KIAA0825: variants seen among roughly 807,000 people sequenced by gnomAD.
KIAA0825 encodes uncharacterized protein KIAA0825.
In KIAA0825, 119 loss-of-function variants were observed where a neutral mutation model predicts 147.6. The observed-to-expected ratio is 0.81, with a 90% CI of 0.69 to 0.94. KIAA0825 has a LOEUF of 0.94. Among genes scored for constraint, KIAA0825 ranks in the 40% least tolerant of loss-of-function variants. KIAA0825 has a pLI of 0.00. For missense variants in KIAA0825, 1,381 were observed against 1,472.7 expected, an observed-to-expected ratio of 0.94 and a Z score of 1.02; for synonymous variants, 470 against 518.1, an observed-to-expected ratio of 0.91 and a Z score of 1.26.
At chr5:94,352,690 G>A (rs1029247682) in intron 20 of KIAA0825, among the ~76,000 whole-genome samples, 56 of 152,284 alleles carry the variant, frequency 3.7e-4, no homozygotes, top group African/African-American at 1.3e-3. Flanking sequence ...CAATCAATGA[G>A]TGGATAAAGA....
intron 20 of KIAA0825, among the ~76,000 whole-genome samples, chr5:94,318,922 C>T (rs1779910074): frequency 6.6e-6 from 1 of 151,674 alleles, no homozygotes; most frequent in Non-Finnish European, 1.5e-5. Context: ...CCTCCTTGTC[C>T]CCACAAAGCT....
chr5:94,361,235 A>G (rs1320799142), intron 20 of KIAA0825, among the ~76,000 whole-genome samples: 1 of 152,148 alleles, frequency 6.6e-6, no homozygotes, highest in South Asian at 2.1e-4. Flanking sequence ...AATAAAGTGT[A>G]CCTAAATGTT....
chr5:94,609,331 C>T (rs1272007133), intron 1 of KIAA0825, among the ~76,000 whole-genome samples: 1 of 152,080 alleles, frequency 6.6e-6, no homozygotes, highest in Non-Finnish European at 1.5e-5. Flanking sequence ...TACCACTCTT[C>T]CACTAAAATT....
At chr5:94,165,459 A>G (rs1217341607) in intron 20 of KIAA0825, among the ~76,000 whole-genome samples, 5 of 152,190 alleles carry the variant, frequency 3.3e-5, no homozygotes, top group Admixed American at 6.5e-5. Context: ...GGTTCCTCAA[A>G]AAACTAAAAA....
chr5:94,609,951 C>T (rs932261445), intron 1 of KIAA0825, among the ~76,000 whole-genome samples: 8 of 152,132 alleles, frequency 5.3e-5, no homozygotes, highest in African/African-American at 1.9e-4. Context: ...AAGAACTGAA[C>T]TGCCATGAGC....
chr5:94,442,118 G>GA (rs201211594), intron 13 of KIAA0825, among the ~76,000 whole-genome samples: 1,618 of 151,970 alleles, frequency 0.011, 15 homozygotes, highest in Non-Finnish European at 0.016. Flanking sequence ...CAAACTTATA[G>GA]AAAAAAAATG....
chr5:94,184,339 A>AT (rs1230286303), intron 20 of KIAA0825, among the ~76,000 whole-genome samples: 1 of 152,050 alleles, frequency 6.6e-6, no homozygotes, highest in Non-Finnish European at 1.5e-5. Context: ...TATTATCCCC[A>AT]TTTTTACATT....
chr5:94,232,436 G>T (rs1457834781), intron 20 of KIAA0825, among the ~76,000 whole-genome samples: 1 of 152,080 alleles, frequency 6.6e-6, no homozygotes, highest in Non-Finnish European at 1.5e-5. Flanking sequence ...GAGAATTCTT[G>T]TGGAACTTCA....
chr5:94,597,143 C>T (rs2152408904), intron 1 of KIAA0825, among the ~76,000 whole-genome samples: 1 of 152,206 alleles, frequency 6.6e-6, no homozygotes, highest in Admixed American at 6.6e-5. Flanking sequence ...AGATGGCATC[C>T]TTTTCTTGTG....
intron 20 of KIAA0825, among the ~76,000 whole-genome samples, chr5:94,255,257 G>A (rs796862964): frequency 4.6e-5 from 7 of 151,852 alleles, no homozygotes; most frequent in African/African-American, 9.7e-5. Context: ...GGAAGGCATC[G>A]ATTTTTCCTA....
In KIAA0825 at chr5:94,154,087, C is replaced by T. The variant is rs748174533; in HGVS notation, c.3748G>A (p.Glu1250Lys). The T allele has an allele frequency of 1.9e-6, 3 of 1,551,590 alleles. No homozygotes were observed. In the South Asian group the frequency reaches 3.6e-5, roughly 18 times the overall value. The stretch of plus-strand genomic sequence containing the variant: ...TTTAAGTGCTCCAGTATTGCTTTTT[C>T]TTCCTCTTCTAGTGTTTCATCCTTC... Reference protein sequence around the residue: ...MKKDETLEEEEKAILEHLKQI... With the variant: ...MKKDETLEEEKKAILEHLKQI... Residue 1250 changes from glutamate (E) to lysine (K), a missense_variant, in exon 21 of 21, where the codon GAA becomes AAA. Physicochemically the swap from Glu to Lys is moderately conservative, Grantham distance 56. Coordinates refer to ENST00000682413, the MANE Select transcript of KIAA0825 (RefSeq NM_001145678.3).
chr5:94,310,409 T>C (rs969627463), intron 20 of KIAA0825, among the ~76,000 whole-genome samples: 2 of 151,740 alleles, frequency 1.3e-5, no homozygotes, highest in African/African-American at 2.4e-5. Flanking sequence ...TGTTTTGTCA[T>C]TGAGATATTT....
intron 20 of KIAA0825, among the ~76,000 whole-genome samples, chr5:94,261,924 G>A (rs1328700140): frequency 6.6e-6 from 1 of 151,906 alleles, no homozygotes; most frequent in Non-Finnish European, 1.5e-5. Flanking sequence ...CCATGTTACA[G>A]TAGGACAGAT....
At chr5:94,592,779 ATC>A (rs1234156332) in intron 1 of KIAA0825, 8 of 374,874 alleles carry the variant, frequency 2.1e-5, no homozygotes, top group African/African-American at 1.5e-4. Flanking sequence ...ATCAAAAAAC[ATC>A]TGTTTGCCTA....
rs1453601804 is a variant in KIAA0825, at chr5:94,151,685, T to G, written c.*2322A>C. Among the ~76,000 whole-genome samples the G allele has an allele frequency of 6.6e-6, 1 of 152,198 alleles. No homozygotes were observed. The highest frequency in any genetic ancestry group is 2.4e-5 in the African/African-American group (1 of 41,456). On this transcript the variant is annotated 3_prime_UTR_variant, in exon 21 of 21. Coordinates refer to ENST00000682413, the MANE Select transcript of KIAA0825 (RefSeq NM_001145678.3). ...AGGGAGCCACAGAAAAGATTTTTTCTGGAGGAGCAAAATTACTTCCCAGGA... is the reference window on the plus strand; with the variant it reads ...AGGGAGCCACAGAAAAGATTTTTTCGGGAGGAGCAAAATTACTTCCCAGGA...
At chr5:94,273,981 T>C (rs563341659) in intron 20 of KIAA0825, among the ~76,000 whole-genome samples, 1 of 152,288 alleles carries the variant, frequency 6.6e-6, no homozygotes, top group Non-Finnish European at 1.5e-5. Flanking sequence ...ATAGGTATAA[T>C]TGGTACAGAA....
At chr5:94,506,375 T>C (rs939894071) in intron 5 of KIAA0825, among the ~76,000 whole-genome samples, 5 of 152,358 alleles carry the variant, frequency 3.3e-5, no homozygotes, top group Middle Eastern at 3.4e-3. Flanking sequence ...ATTTCCATCA[T>C]TGAACAGTTT....
intron 20 of KIAA0825, among the ~76,000 whole-genome samples, chr5:94,192,772 G>A (rs1258020331): frequency 6.6e-6 from 1 of 152,152 alleles, no homozygotes; most frequent in Non-Finnish European, 1.5e-5. Flanking sequence ...AGCCACAGCG[G>A]TTATTTCCTT....
chr5:94,345,242 A>T (rs886941114), intron 20 of KIAA0825, among the ~76,000 whole-genome samples: 1 of 152,158 alleles, frequency 6.6e-6, no homozygotes, highest in Non-Finnish European at 1.5e-5. Context: ...TGTTTAAATG[A>T]ACGTTTGCCT....
Sources: allele counts gnomAD v4.1 joint callset (sites outside exome capture counted in the v4.1 genomes callset), GRCh38; gene constraint gnomAD v4.1.1; transcripts MANE v1.5; gene names NCBI Gene and HGNC (gene_info 2026-07-23, HGNC 2026-07-21).